The following FOXJ3 variants were observed in gnomAD, a reference collection of about 807,000 sequenced individuals.
FOXJ3 encodes forkhead box J3, also known as forkhead box protein J3.
In FOXJ3, 22 loss-of-function variants were observed where a neutral mutation model predicts 76.1. The ratio of observed to expected loss-of-function variants is 0.29; its 90% confidence interval spans 0.21 to 0.41. FOXJ3 has a LOEUF of 0.41. FOXJ3 is among the 10% of genes least tolerant of loss of function. The pLI is 1.00. For missense variants in FOXJ3, 613 were observed against 762.1 expected, an observed-to-expected ratio of 0.80 and a Z score of 2.30; for synonymous variants, 269 against 261.2, an observed-to-expected ratio of 1.03 and a Z score of -0.29.
intron 3 of FOXJ3, among the ~76,000 whole-genome samples, chr1:42,271,815 A>C (rs1017227582): frequency 2.0e-5 from 3 of 151,838 alleles, no homozygotes; most frequent in African/African-American, 4.8e-5. Flanking sequence ...TGCCCGGCTA[A>C]TTTCTTTTTT....
intron 4 of FOXJ3, among the ~76,000 whole-genome samples, chr1:42,250,798 CAAAA>C (rs61431089): frequency 4.6e-4 from 11 of 23,788 alleles, no homozygotes; most frequent in African/African-American, 1.9e-3. Flanking sequence ...AACTCCATCT[CAAAA>C]AAAAAAAAAA....
At chr1:42,227,550 T>A (rs1647672448) in intron 5 of FOXJ3, among the ~76,000 whole-genome samples, 1 of 152,184 alleles carries the variant, frequency 6.6e-6, no homozygotes, top group African/African-American at 2.4e-5. Flanking sequence ...TGATCCTCTA[T>A]AATAGAAGGG....
intron 11 of FOXJ3, among the ~76,000 whole-genome samples, chr1:42,184,288 T>C (rs1327300754): frequency 1.3e-5 from 2 of 152,134 alleles, no homozygotes; most frequent in Admixed American, 6.5e-5. Context: ...CTGATTTTTA[T>C]TGGGAATTAA....
At chr1:42,330,317 G>GA (rs201246048) in intron 1 of FOXJ3, among the ~76,000 whole-genome samples, 2,945 of 152,116 alleles carry the variant, frequency 0.019, 38 homozygotes, top group Non-Finnish European at 0.03. Flanking sequence ...AGAATCTAGG[G>GA]AAAAAAATCT....
At chr1:42,315,778 T>C (rs956568400) in intron 1 of FOXJ3, among the ~76,000 whole-genome samples, 1 of 152,254 alleles carries the variant, frequency 6.6e-6, no homozygotes, top group Non-Finnish European at 1.5e-5. Flanking sequence ...GCATCAACTG[T>C]AGTTGAACAA....
chr1:42,319,911 C>T (rs1402811946), intron 1 of FOXJ3, among the ~76,000 whole-genome samples: 1 of 152,142 alleles, frequency 6.6e-6, no homozygotes, highest in African/African-American at 2.4e-5. Context: ...TGGTGGCCTC[C>T]ACTATTTTTA....
chr1:42,263,128 A>T (rs1379966418), intron 4 of FOXJ3, among the ~76,000 whole-genome samples: 1 of 152,188 alleles, frequency 6.6e-6, no homozygotes, highest in Non-Finnish European at 1.5e-5. Context: ...GAAGAGTTGC[A>T]AAGAGTAACA....
intron 4 of FOXJ3, among the ~76,000 whole-genome samples, chr1:42,242,964 G>A (rs371174659): frequency 7.3e-6 from 1 of 136,878 alleles, no homozygotes; most frequent in Admixed American, 7.5e-5. Flanking sequence ...TCTATTATAA[G>A]ACAACCTTCA....
At chr1:42,299,806 G>C (rs1390313920) in intron 2 of FOXJ3, among the ~76,000 whole-genome samples, 5 of 152,142 alleles carry the variant, frequency 3.3e-5, no homozygotes, top group Admixed American at 2.0e-4. Flanking sequence ...TACTTGGGAA[G>C]CTGAGGCAGG....
intron 3 of FOXJ3, among the ~76,000 whole-genome samples, chr1:42,277,193 CA>C (rs750767376): frequency 9.9e-5 from 15 of 152,122 alleles, no homozygotes; most frequent in Non-Finnish European, 1.9e-4. Context: ...CCTGTAACCC[CA>C]AAACTTTGGC....
At chr1:42,237,939 C>T (rs112001370) in intron 4 of FOXJ3, among the ~76,000 whole-genome samples, 68 of 138,928 alleles carry the variant, frequency 4.9e-4, no homozygotes, top group Middle Eastern at 3.8e-3. Context: ...CACACACACA[C>T]ATATATATAG....
At chr1:42,295,241 T>C (rs1410525631) in intron 2 of FOXJ3, among the ~76,000 whole-genome samples, 1 of 152,020 alleles carries the variant, frequency 6.6e-6, no homozygotes, top group African/African-American at 2.4e-5. Flanking sequence ...CTCTTCAGTG[T>C]CTATTATTTC....
intron 2 of FOXJ3, among the ~76,000 whole-genome samples, chr1:42,289,827 C>G (rs1435791330): frequency 6.6e-6 from 1 of 152,044 alleles, no homozygotes; most frequent in Non-Finnish European, 1.5e-5. Flanking sequence ...TTCTATCTAC[C>G]TTTAGATTTC....
intron 4 of FOXJ3, among the ~76,000 whole-genome samples, chr1:42,259,228 T>A (rs1241294307): frequency 1.3e-4 from 20 of 152,140 alleles, no homozygotes; most frequent in Non-Finnish European, 4.4e-5. Flanking sequence ...GATCAGTAGT[T>A]GCAAAGGCCT....
At chr1:42,228,976 A>T (rs1647827493) in intron 4 of FOXJ3, among the ~76,000 whole-genome samples, 1 of 152,150 alleles carries the variant, frequency 6.6e-6, no homozygotes, top group Admixed American at 6.5e-5. Context: ...CAATGAGGGG[A>T]AATACAACCC....
At chr1:42,204,656 T>A (rs1443055615) in intron 6 of FOXJ3, among the ~76,000 whole-genome samples, 1 of 152,068 alleles carries the variant, frequency 6.6e-6, no homozygotes, top group Non-Finnish European at 1.5e-5. Context: ...AGTAACTGAT[T>A]TGGCAGAATT....
At chr1:42,329,192 T>C (rs1043289507) in intron 1 of FOXJ3, among the ~76,000 whole-genome samples, 4 of 152,180 alleles carry the variant, frequency 2.6e-5, no homozygotes, top group African/African-American at 4.8e-5. Flanking sequence ...TTGTTATAAA[T>C]ATAAAAACAA....
At chr1:42,227,531 C>T (rs1329896718) in intron 5 of FOXJ3, among the ~76,000 whole-genome samples, 1 of 152,170 alleles carries the variant, frequency 6.6e-6, no homozygotes, top group Non-Finnish European at 1.5e-5. Flanking sequence ...AAATTCAATG[C>T]AACCAAACTG....
At chr1:42,183,858 G>A (rs986784090) in intron 11 of FOXJ3, among the ~76,000 whole-genome samples, 1 of 151,982 alleles carries the variant, frequency 6.6e-6, no homozygotes, top group African/African-American at 2.4e-5. Context: ...CATGCAGATA[G>A]GGAAACAGGG....
Sources: allele counts gnomAD v4.1 joint callset (sites outside exome capture counted in the v4.1 genomes callset), GRCh38; gene constraint gnomAD v4.1.1; transcripts MANE v1.5; gene names NCBI Gene and HGNC (gene_info 2026-07-23, HGNC 2026-07-21).